The following NEBL variants were observed in gnomAD, a reference collection of about 807,000 sequenced individuals.
The protein encoded by NEBL is LIM and SH3 protein 2.
Under a neutral mutation model 140.2 loss-of-function variants are expected in NEBL, and 122 were observed. That is an observed-to-expected ratio of 0.87 (90% CI 0.75 to 1.01). The LOEUF (loss-of-function observed/expected upper bound fraction) is 1.01, where lower values mean the gene tolerates loss of function less well. Among genes scored for constraint, NEBL ranks in the 50% least tolerant of loss-of-function variants. The pLI is 0.00. For missense variants in NEBL, 1,365 were observed against 1,231.3 expected (o/e 1.11, Z -1.62); for synonymous variants, 436 against 398.9 (o/e 1.09, Z -1.11).
intron 4 of NEBL, among the ~76,000 whole-genome samples, chr10:20,920,880 C>T (rs1833549421): frequency 6.6e-6 from 1 of 152,070 alleles, no homozygotes; most frequent in African/African-American, 2.4e-5. Flanking sequence ...ACTAATTATA[C>T]ACACACATTT....
chr10:21,035,913 A>G (rs1381772149), intron 2 of NEBL, among the ~76,000 whole-genome samples: 3 of 152,218 alleles, frequency 2.0e-5, no homozygotes, highest in Admixed American at 2.0e-4. Flanking sequence ...CTGTAATCCC[A>G]GCACTTTGGG....
intron 12 of NEBL, among the ~76,000 whole-genome samples, chr10:20,841,752 T>C (rs138318287): frequency 2.8e-4 from 42 of 152,252 alleles, no homozygotes; most frequent in African/African-American, 9.4e-4. Flanking sequence ...TGAGTTATTG[T>C]CCAGTTGGAA....
intron 14 of NEBL, among the ~76,000 whole-genome samples, chr10:20,835,204 T>C (rs1840752431): frequency 6.6e-6 from 1 of 152,208 alleles, no homozygotes. Flanking sequence ...TGAAAACATT[T>C]ATCATAGCCT....
chr10:20,805,116 A>T (rs1430676088), intron 26 of NEBL, among the ~76,000 whole-genome samples: 2 of 152,310 alleles, frequency 1.3e-5, no homozygotes, highest in African/African-American at 4.8e-5. Context: ...ATGGGGTATG[A>T]GTGAAAGACA....
chr10:21,104,991 T>C (rs368607075), intron 2 of NEBL, among the ~76,000 whole-genome samples: 19 of 152,330 alleles, frequency 1.2e-4, no homozygotes, highest in African/African-American at 4.3e-4. Flanking sequence ...CATATTGTTT[T>C]TCCTTTTTAG....
At chr10:21,145,760 C>T (rs1839861064) in intron 2 of NEBL, among the ~76,000 whole-genome samples, 1 of 152,226 alleles carries the variant, frequency 6.6e-6, no homozygotes, top group Non-Finnish European at 1.5e-5. Flanking sequence ...ATCCATTCTG[C>T]CTGCAACAAG....
intron 3 of NEBL, among the ~76,000 whole-genome samples, chr10:21,221,272 AC>A (rs1842062607): frequency 1.3e-5 from 2 of 152,180 alleles, no homozygotes; most frequent in South Asian, 2.1e-4. Context: ...AATATATACA[AC>A]TTTTATTTGT....
At chr10:20,814,617 T>TATACACACAC (rs1838528334) in intron 22 of NEBL, among the ~76,000 whole-genome samples, 1 of 146,418 alleles carries the variant, frequency 6.8e-6, no homozygotes, top group Non-Finnish European at 1.5e-5. Context: ...CATACACACA[T>TATACACACAC]ACACACACAC....
At chr10:20,914,938 T>A in intron 4 of NEBL, among the ~76,000 whole-genome samples, 1 of 151,014 alleles carries the variant, frequency 6.6e-6, no homozygotes, top group Admixed American at 6.6e-5. Context: ...ACTCATGCAA[T>A]TCTCCTACCT....
chr10:20,946,510 G>C (rs1376278168), intron 4 of NEBL, among the ~76,000 whole-genome samples: 2 of 152,118 alleles, frequency 1.3e-5, no homozygotes, highest in East Asian at 3.9e-4. Context: ...CACCCAGGCT[G>C]AAGTGCAGTA....
intron 3 of NEBL, among the ~76,000 whole-genome samples, chr10:21,015,246 T>G (rs1370073297): frequency 6.6e-6 from 1 of 152,188 alleles, no homozygotes; most frequent in African/African-American, 2.4e-5. Flanking sequence ...CGGGGGGGTT[T>G]GGAGATGCCA....
At chr10:21,187,745 C>T (rs560106037) in intron 3 of NEBL, among the ~76,000 whole-genome samples, 2 of 152,276 alleles carry the variant, frequency 1.3e-5, no homozygotes, top group South Asian at 4.1e-4. Context: ...AACTCCTGAG[C>T]TCAAGCAATC....
chr10:20,952,831 G>A (rs373810818), intron 4 of NEBL, among the ~76,000 whole-genome samples: 41 of 147,958 alleles, frequency 2.8e-4, no homozygotes, highest in African/African-American at 8.0e-4. Flanking sequence ...CTTGAACCCC[G>A]GAGGTGGAGG....
intron 2 of NEBL, among the ~76,000 whole-genome samples, chr10:21,081,503 C>T (rs974062988): frequency 1.3e-5 from 2 of 152,058 alleles, no homozygotes; most frequent in African/African-American, 4.8e-5. Flanking sequence ...TTAATAGTAC[C>T]TATAATAGAT....
chr10:20,831,372 G>T, intron 15 of NEBL, 66 bp from the exon 16 acceptor site: 1 of 1,503,646 alleles, frequency 6.7e-7, no homozygotes, highest in Non-Finnish European at 9.2e-7. Flanking sequence ...AAATTTACAT[G>T]TTTGAATCTC....
intron 5 of NEBL, among the ~76,000 whole-genome samples, chr10:20,880,308 C>T (rs1188407633): frequency 6.6e-6 from 1 of 152,108 alleles, no homozygotes; most frequent in Non-Finnish European, 1.5e-5. Context: ...TGCAGTGAGC[C>T]AAGATTGAGC....
chr10:21,013,052 T>C (rs11012486), intron 3 of NEBL, among the ~76,000 whole-genome samples: 16,416 of 152,142 alleles, frequency 0.11, 2,488 homozygotes, highest in East Asian at 0.54. Context: ...TTTTTGTCTC[T>C]TACATCATTT....
intron 2 of NEBL, chr10:21,110,941 C>G (rs569859033): frequency 2.2e-6 from 1 of 460,024 alleles, no homozygotes; most frequent in East Asian, 4.2e-5. Flanking sequence ...CATTCCTATG[C>G]AGCAATAACA....
At position 20,782,620 on chromosome 10, in the gene NEBL, T is replaced by C. The variant is rs762732938; in HGVS notation, c.*3127A>G. Reference sequence around the variant, plus strand: ...AGGGGCTGGTCTAATCTTATCCATATTCCTACAAGGTGCTTGTGGAAACTG... The same window carrying C: ...AGGGGCTGGTCTAATCTTATCCATACTCCTACAAGGTGCTTGTGGAAACTG... On this transcript the variant is annotated 3_prime_UTR_variant, in exon 28 of 28. Coordinates refer to ENST00000377122, the MANE Select transcript of NEBL (RefSeq NM_006393.3). The C allele has an allele frequency of 6.6e-6, 1 of 152,364 alleles. No individual in the cohort carries two copies. Among genetic ancestry groups the C allele is most frequent in the Non-Finnish European group, 1.5e-5 (1 of 68,058 alleles). The allele number at this position is 152,364 out of a possible 1,614,324, so 9.4% of individuals were successfully genotyped here.
Sources: allele counts gnomAD v4.1 joint callset (sites outside exome capture counted in the v4.1 genomes callset), GRCh38; gene constraint gnomAD v4.1.1; transcripts MANE v1.5; gene names NCBI Gene and HGNC (gene_info 2026-07-23, HGNC 2026-07-21).